The following PSG1 variants were observed in gnomAD, a reference collection of about 807,000 sequenced individuals.
The protein encoded by PSG1 is pregnancy specific beta-1-glycoprotein 1.
In PSG1, 60 loss-of-function variants were observed where a neutral mutation model predicts 41.4. That is an observed-to-expected ratio of 1.45 (90% CI 1.18 to 1.80). The LOEUF is 1.80. PSG1 is among the 40% of genes most tolerant of loss of function. The pLI, the probability that PSG1 is intolerant of heterozygous loss-of-function variation, is 0.00. For synonymous variants in PSG1, 256 were observed against 192.9 expected (o/e 1.33, Z -2.71); for missense variants, 806 against 516.9 (o/e 1.56, Z -5.42).
At chr19:42,877,806 T>A in intron 2 of PSG1, 107 bp downstream of exon 2, 3 of 1,592,776 alleles carry the variant, frequency 1.9e-6, no homozygotes, top group Non-Finnish European at 1.7e-6. Flanking sequence ...GCATGGGACA[T>A]AACGCAGTGA....
intron 4 of PSG1, among the ~76,000 whole-genome samples, 176 bp downstream of exon 4, chr19:42,868,580 T>C (rs57840730): frequency 0.13 from 19,137 of 150,740 alleles, 1,617 homozygotes; most frequent in Admixed American, 0.17. Flanking sequence ...TCCCCTTATA[T>C]TCTTGGTTAA....
At chr19:42,878,489 A>T (rs905292806) in intron 1 of PSG1, 1 of 866,352 alleles carries the variant, frequency 1.2e-6, no homozygotes, top group African/African-American at 1.8e-5. Context: ...CTACTAGGTC[A>T]AGGTCAGCAG....
intron 4 of PSG1, 70 bp from the exon 5 acceptor site, chr19:42,868,425 G>C: frequency 6.7e-7 from 1 of 1,501,786 alleles, no homozygotes. Context: ...TCTCTTAAAG[G>C]GACACAGTGA....
rs547545643 is a variant in PSG1 at position 42,877,514 on chromosome 19, A to C, written c.430+399T>G. Among the ~76,000 whole-genome samples the C allele has an allele frequency of 2.0e-5, 3 of 151,694 alleles. 1 individual carries two copies. Among genetic ancestry groups the C allele is most frequent in the East Asian group, 3.9e-4 (2 of 5,170 alleles). ...TATCTGGAACAAGGATTTAGGGACA[A>C]GGGTCTGGGGTTGAGGCTTCTAGGG... On this transcript the variant is annotated intron_variant, in intron 2 of 5. Coordinates refer to ENST00000436291, the MANE Select transcript of PSG1 (RefSeq NM_001184825.2).
At position 42,872,082 on chromosome 19, in the gene PSG1, C is replaced by T. The variant is rs371703598; in HGVS notation, c.431-37G>A. ...ACAGGGTGAAGATTGCCGTGTGTGG[C>T]GCCTTTGATTCCTCCAAAGGCATTT... On this transcript the variant is annotated intron_variant, in intron 2 of 5. Coordinates refer to ENST00000436291, the MANE Select transcript of PSG1 (RefSeq NM_001184825.2). The T allele has an allele frequency of 3.5e-4, 556 of 1,588,642 alleles. 26 individuals are homozygous for T. In the South Asian group the frequency reaches 4.0e-3, roughly 11 times the overall value.
intron 2 of PSG1, among the ~76,000 whole-genome samples, chr19:42,873,748 A>G (rs990642074): frequency 5.3e-5 from 8 of 151,750 alleles, no homozygotes; most frequent in East Asian, 3.9e-4. Flanking sequence ...ATAAAGGGAG[A>G]AAGGATGTCA....
rs144216131 is a variant in PSG1 at position 42,871,766 on chromosome 19, C to T, written c.709+1G>A. 4,285 of 1,612,622 alleles carry T rather than the reference C, an allele frequency of 2.7e-3. 255 individuals carry two copies. The East Asian group carries it at 0.069, about 26-fold the overall frequency. The stretch of plus-strand genomic sequence containing the variant: ...CTCACAGAGGAACAGAAGATACTCA[C>T]GGAGGAGATTCAGGGTGACTGGGTC... On this transcript the variant is annotated splice_donor_variant, in intron 3 of 5. Coordinates refer to ENST00000436291, the MANE Select transcript of PSG1 (RefSeq NM_001184825.2). LOFTEE classifies it high-confidence loss of function.
chr19:42,867,003 C>T lies in PSG1; in HGVS notation c.*131G>A, dbSNP rs1046246559. 1.3e-6 allele frequency: 1 copy of T among 764,624 alleles called. No individual in the cohort carries two copies. Among genetic ancestry groups the T allele is most frequent in the Non-Finnish European group, 2.4e-6 (1 of 417,216 alleles). The allele number at this position is 764,624 out of a possible 1,614,324, so 47.4% of individuals were successfully genotyped here. A position where few individuals can be genotyped will look rare whatever the true frequency, so the allele number is the denominator to read the frequency against. On this transcript the variant is annotated 3_prime_UTR_variant, in exon 6 of 6. Transcript: ENST00000436291. ...GGTGAGTTCTGAGTGGCTCATGCTTCACGTACAAGGGTTTTCCCATGAAAT... is the reference window on the plus strand; with the variant it reads ...GGTGAGTTCTGAGTGGCTCATGCTTTACGTACAAGGGTTTTCCCATGAAAT...
intron 2 of PSG1, 40 bp from the exon 3 acceptor site, chr19:42,872,085 CT>C (rs768255620): frequency 5.7e-6 from 9 of 1,585,828 alleles, no homozygotes; most frequent in Non-Finnish European, 7.7e-6. Flanking sequence ...TGTGTGGCGC[CT>C]TTGATTCCTC....
intron 2 of PSG1, among the ~76,000 whole-genome samples, chr19:42,876,557 AGT>A (rs1262845379): frequency 6.6e-6 from 1 of 151,148 alleles, no homozygotes; most frequent in Admixed American, 6.6e-5. Context: ...AGAGCTCCTG[AGT>A]GTGTGTCTCT....
intron 2 of PSG1, among the ~76,000 whole-genome samples, chr19:42,873,073 G>C (rs1334781764): frequency 1.3e-5 from 2 of 151,564 alleles, no homozygotes; most frequent in African/African-American, 2.4e-5. Flanking sequence ...ATAGTAGTTT[G>C]CAGGAGCTGG....
intron 3 of PSG1, chr19:42,869,350 C>T (rs778193888): frequency 6.2e-6 from 3 of 482,652 alleles, no homozygotes; most frequent in South Asian, 3.9e-5. Context: ...AGTTGACTGG[C>T]TGGCTCACCT....
At chr19:42,875,330 A>T (rs1240870011) in intron 2 of PSG1, among the ~76,000 whole-genome samples, 1 of 151,808 alleles carries the variant, frequency 6.6e-6, no homozygotes, top group Admixed American at 6.6e-5. Context: ...TGAGATTAAG[A>T]TTATAGGAGG....
At chr19:42,874,490 G>A (rs1305743446) in intron 2 of PSG1, among the ~76,000 whole-genome samples, 1 of 151,566 alleles carries the variant, frequency 6.6e-6, no homozygotes, top group Non-Finnish European at 1.5e-5. Context: ...GGGACTACAG[G>A]GGCCCGCCAC....
chr19:42,867,005 C>G lies in PSG1; in HGVS notation c.*129G>C, dbSNP rs1058817. 240,923 of 763,698 alleles carry G rather than the reference C, an allele frequency of 0.32. 43,640 individuals are homozygous for G. The highest frequency in any genetic ancestry group is 0.45 in the South Asian group (33,167 of 74,156). The allele number at this position is 763,698 out of a possible 1,614,324, so 47.3% of individuals were successfully genotyped here. A position where few individuals can be genotyped will look rare whatever the true frequency, so the allele number is the denominator to read the frequency against. ...TGAGTTCTGAGTGGCTCATGCTTCA[C>G]GTACAAGGGTTTTCCCATGAAATTT... On this transcript the variant is annotated 3_prime_UTR_variant, in exon 6 of 6. Transcript: ENST00000436291.
At position 42,870,281 on chromosome 19, in the gene PSG1, T is replaced by A. The variant is rs1217855115; in HGVS notation, c.710-1247A>T. ...AATATTTGTCATATACTTACTGGTT[T>A]AGCATCCCAAATCTGAAAGATTCAA... On this transcript the variant is annotated intron_variant, in intron 3 of 5. Coordinates refer to ENST00000436291, the MANE Select transcript of PSG1 (RefSeq NM_001184825.2). 3.3e-5 allele frequency: 5 copies of A among 151,928 alleles called. 1 individual carries two copies. Among genetic ancestry groups the A allele is most frequent in the East Asian group, 3.9e-4 (2 of 5,166 alleles). 9.4% of individuals were successfully genotyped at this position (151,928 alleles called of 1,614,324 possible).
Position 42,874,622 on chromosome 19 carries a change from T to A in PSG1, c.431-2577A>T, listed in dbSNP as rs998790176. ...TCCCAAAGTGCTGGGATTATAGGCG[T>A]GAGCCACTGTGCGCAGCCGTCTCTG... is the stretch of plus-strand genomic sequence containing the variant. On this transcript the variant is annotated intron_variant, in intron 2 of 5. Coordinates refer to ENST00000436291, the MANE Select transcript of PSG1 (RefSeq NM_001184825.2). Among the ~76,000 whole-genome samples the A allele has an allele frequency of 2.0e-5, 3 of 151,844 alleles. 1 individual carries two copies. Among genetic ancestry groups the A allele is most frequent in the Non-Finnish European group, 4.4e-5 (3 of 67,926 alleles).
rs1444539424 is a variant in PSG1, at chr19:42,866,467, G to A, written c.*667C>T. 1.2e-5 allele frequency: 2 copies of A among 163,156 alleles called. No homozygotes were observed. Among genetic ancestry groups the A allele is most frequent in the Non-Finnish European group, 1.3e-5 (1 of 74,100 alleles). The allele number at this position is 163,156 out of a possible 1,614,324, so 10.1% of individuals were successfully genotyped here. On this transcript the variant is annotated 3_prime_UTR_variant, in exon 6 of 6. Transcript: ENST00000436291. ...AAATTATTTTAAGAGAACAGTATTA[G>A]CAAAGGTGGTACATGTTTTATTCTG... is the stretch of plus-strand genomic sequence containing the variant.
chr19:42,867,398 T>G (rs971373993), intron 5 of PSG1: 10 of 574,266 alleles, frequency 1.7e-5, no homozygotes, highest in Admixed American at 1.3e-4. Context: ...AATTTTCTTT[T>G]CTCTAAGTTT....
Sources: allele counts gnomAD v4.1 joint callset (sites outside exome capture counted in the v4.1 genomes callset), GRCh38; gene constraint gnomAD v4.1.1; transcripts MANE v1.5; gene names NCBI Gene and HGNC (gene_info 2026-07-23, HGNC 2026-07-21).